ILRUN: variants seen among roughly 807,000 people sequenced by gnomAD.
ILRUN encodes inflammation and lipid regulator with UBA-like and NBR1-like domains, also known as protein ILRUN.
A neutral mutation model predicts 33.8 loss-of-function variants in ILRUN; 3 were observed. The ratio of observed to expected loss-of-function variants is 0.09; its 90% CI spans 0.04 to 0.23. The LOEUF (loss-of-function observed/expected upper bound fraction) is 0.23, where lower values mean the gene tolerates loss of function less well. ILRUN is among the 10% of genes least tolerant of loss of function. The pLI is 1.00. For synonymous variants in ILRUN, 124 were observed against 138.9 expected, an observed-to-expected ratio of 0.89 and a Z score of 0.75; for missense variants, 210 against 375.1, an observed-to-expected ratio of 0.56 and a Z score of 3.64.
intron 3 of ILRUN, among the ~76,000 whole-genome samples, chr6:34,640,475 G>A (rs1265095312): frequency 2.0e-5 from 3 of 152,252 alleles, no homozygotes; most frequent in Admixed American, 2.0e-4. Context: ...CACTTTGGGA[G>A]GCTGAGGTGG....
intron 3 of ILRUN, among the ~76,000 whole-genome samples, chr6:34,626,904 C>G (rs1220275147): frequency 6.6e-6 from 1 of 151,858 alleles, no homozygotes; most frequent in African/African-American, 2.4e-5. Flanking sequence ...ACTCGGGAGG[C>G]TGAGAAAGGG....
intron 1 of ILRUN, among the ~76,000 whole-genome samples, chr6:34,666,407 C>T (rs1375540461): frequency 6.6e-6 from 1 of 151,996 alleles, no homozygotes; most frequent in African/African-American, 2.4e-5. Context: ...CTTAAAAATA[C>T]AAAATTAGCC....
intron 2 of ILRUN, among the ~76,000 whole-genome samples, chr6:34,651,608 G>A (rs1277753471): frequency 1.3e-5 from 2 of 151,888 alleles, no homozygotes; most frequent in Non-Finnish European, 2.9e-5. Flanking sequence ...AAACACTGAA[G>A]AGCTCACAGA....
At chr6:34,596,053 G>T in intron 4 of ILRUN, 1 of 475,492 alleles carries the variant, frequency 2.1e-6, no homozygotes, top group Non-Finnish European at 2.7e-6. Flanking sequence ...TGGCCTGGCT[G>T]GCAGGGGCCA....
chr6:34,658,379 A>G (rs1762818313), intron 1 of ILRUN, among the ~76,000 whole-genome samples: 1 of 151,804 alleles, frequency 6.6e-6, no homozygotes, highest in Admixed American at 6.6e-5. Context: ...TGATGGTAAT[A>G]GTTGCACACT....
intron 4 of ILRUN, among the ~76,000 whole-genome samples, chr6:34,599,250 C>T (rs958728191): frequency 1.3e-5 from 2 of 152,158 alleles, no homozygotes; most frequent in African/African-American, 4.8e-5. Flanking sequence ...ATTATAACTA[C>T]GAAATCACAA....
chr6:34,641,164 A>C (rs1762469082), intron 3 of ILRUN, among the ~76,000 whole-genome samples: 2 of 152,276 alleles, frequency 1.3e-5, no homozygotes, highest in South Asian at 4.1e-4. Context: ...TGTTGTTAAA[A>C]CAGAAAGATG....
intron 1 of ILRUN, among the ~76,000 whole-genome samples, chr6:34,657,188 A>T (rs1762789032): frequency 6.6e-6 from 1 of 152,080 alleles, no homozygotes; most frequent in African/African-American, 2.4e-5. Context: ...TGAAAACAGA[A>T]TTTTTTTGCA....
At chr6:34,671,508 TG>T (rs1483105398) in intron 1 of ILRUN, among the ~76,000 whole-genome samples, 1 of 152,260 alleles carries the variant, frequency 6.6e-6, no homozygotes, top group East Asian at 1.9e-4. Flanking sequence ...GAAAGTTATC[TG>T]TATAATATAT....
chr6:34,606,044 A>G (rs1007946980), intron 4 of ILRUN, among the ~76,000 whole-genome samples: 8 of 152,294 alleles, frequency 5.3e-5, no homozygotes, highest in African/African-American at 1.9e-4. Flanking sequence ...GCCTCACAAC[A>G]ATCAGAATAT....
intron 1 of ILRUN, among the ~76,000 whole-genome samples, chr6:34,693,017 G>A: frequency 6.6e-6 from 1 of 152,180 alleles, no homozygotes; most frequent in East Asian, 1.9e-4. Flanking sequence ...GGTTGAGGCT[G>A]TAGTGAGCCA....
chr6:34,652,384 T>G (rs1762688822), intron 2 of ILRUN, among the ~76,000 whole-genome samples: 1 of 152,220 alleles, frequency 6.6e-6, no homozygotes, highest in South Asian at 2.1e-4. Flanking sequence ...AATGAAATTT[T>G]ACAAAGTCAC....
At chr6:34,614,278 C>T (rs757615248) in intron 3 of ILRUN, among the ~76,000 whole-genome samples, 4 of 151,348 alleles carry the variant, frequency 2.6e-5, no homozygotes, top group Admixed American at 2.0e-4. Flanking sequence ...AAAAATTAGC[C>T]GGGCATGGTG....
At chr6:34,642,059 G>A (rs1161983062) in intron 3 of ILRUN, among the ~76,000 whole-genome samples, 1 of 152,078 alleles carries the variant, frequency 6.6e-6, no homozygotes, top group Non-Finnish European at 1.5e-5. Flanking sequence ...CTGAAGCAAG[G>A]GCAAACATCC....
intron 3 of ILRUN, among the ~76,000 whole-genome samples, chr6:34,643,415 C>T (rs892217161): frequency 2.6e-5 from 4 of 152,214 alleles, no homozygotes; most frequent in African/African-American, 9.6e-5. Flanking sequence ...TTCCTCTCAT[C>T]AAGCAAAGGC....
At chr6:34,641,805 G>A (rs930311903) in intron 3 of ILRUN, among the ~76,000 whole-genome samples, 1 of 151,922 alleles carries the variant, frequency 6.6e-6, no homozygotes, top group Non-Finnish European at 1.5e-5. Flanking sequence ...TTTGCTCCAA[G>A]GCTAGTATAC....
chr6:34,620,725 A>T (rs1378525883), intron 3 of ILRUN, among the ~76,000 whole-genome samples: 3 of 152,158 alleles, frequency 2.0e-5, no homozygotes, highest in Non-Finnish European at 4.4e-5. Context: ...GCTACTCAGG[A>T]GGCTGAGGTG....
intron 1 of ILRUN, among the ~76,000 whole-genome samples, chr6:34,671,513 AAT>A (rs1763117727): frequency 2.0e-5 from 3 of 152,360 alleles, no homozygotes; most frequent in African/African-American, 4.8e-5. Context: ...TTATCTGTAT[AAT>A]ATATGTGGCA....
At position 34,696,682 on chromosome 6, in the gene ILRUN, G is replaced by T. The variant is rs936362297; in HGVS notation, c.-79C>A. ...GCCGCCGGGCCCGGGGACCTGGAGG[G>T]GGGCCGCTGCTAGCTAGCTTCGCGA... On this transcript the variant is annotated 5_prime_UTR_variant, in exon 1 of 5. Coordinates refer to ENST00000374023, the MANE Select transcript of ILRUN (RefSeq NM_024294.4). 2 of 1,505,210 alleles carry T rather than the reference G, an allele frequency of 1.3e-6. No homozygotes were observed. Among genetic ancestry groups the T allele is most frequent in the South Asian group, 2.4e-5 (2 of 83,120 alleles). 93.2% of individuals were successfully genotyped at this position (1,505,210 alleles called of 1,614,324 possible).
Sources: allele counts gnomAD v4.1 joint callset (sites outside exome capture counted in the v4.1 genomes callset), GRCh38; gene constraint gnomAD v4.1.1; transcripts MANE v1.5; gene names NCBI Gene and HGNC (gene_info 2026-07-23, HGNC 2026-07-21).